The following DCC variants were observed in gnomAD, a reference collection of about 807,000 sequenced individuals.
DCC encodes DCC netrin 1 receptor.
A neutral mutation model predicts 172.5 loss-of-function variants in DCC; 58 were observed. That is an observed-to-expected ratio of 0.34 (90% CI 0.27 to 0.42). DCC has a LOEUF of 0.42. Among genes scored for constraint, DCC ranks in the 10% least tolerant of loss-of-function variants. The pLI is 1.00. For missense variants in DCC, 1,740 were observed against 1,791.0 expected, an observed-to-expected ratio of 0.97 and a Z score of 0.51; for synonymous variants, 709 against 644.5, an observed-to-expected ratio of 1.10 and a Z score of -1.52.
At chr18:52,890,336 A>G (rs114286329) in intron 2 of DCC, among the ~76,000 whole-genome samples, 1 of 152,102 alleles carries the variant, frequency 6.6e-6, no homozygotes, top group Non-Finnish European at 1.5e-5. Context: ...GGTGAGGTAT[A>G]CAGGAAAATA....
rs144877886 is a variant in DCC, at chr18:52,485,347, A to G, written c.91+144469A>G. On this transcript the variant is annotated intron_variant, in intron 1 of 28. Transcript: ENST00000442544. ...AGCAGGCAGATACTTGCAGATTAAT[A>G]ATCACTTTACAGCACTGTTGGAGAT... Among the ~76,000 whole-genome samples the G allele has an allele frequency of 7.2e-3, 1,099 of 152,270 alleles. 7 individuals carry two copies. Among genetic ancestry groups the G allele is most frequent in the Admixed American group, 9.4e-3 (143 of 15,270 alleles).
At chr18:53,112,974 T>C (rs1366311262) in intron 7 of DCC, among the ~76,000 whole-genome samples, 1 of 151,526 alleles carries the variant, frequency 6.6e-6, no homozygotes, top group Non-Finnish European at 1.5e-5. Context: ...AACATCATCC[T>C]CTTTCCTTTG....
chr18:53,485,606 A>G (rs1028520493), intron 25 of DCC, among the ~76,000 whole-genome samples: 2 of 152,118 alleles, frequency 1.3e-5, no homozygotes, highest in Non-Finnish European at 2.9e-5. Context: ...TTAAGTAAAC[A>G]TGTTCAAATG....
chr18:52,449,041 G>C (rs922650886), intron 1 of DCC, among the ~76,000 whole-genome samples: 9 of 152,210 alleles, frequency 5.9e-5, no homozygotes, highest in African/African-American at 2.2e-4. Flanking sequence ...CACCTGGCTG[G>C]GGAAGCCTCA....
At chr18:52,656,107 T>A (rs1170167481) in intron 1 of DCC, among the ~76,000 whole-genome samples, 2 of 147,054 alleles carry the variant, frequency 1.4e-5, no homozygotes, top group Non-Finnish European at 3.0e-5. Context: ...TATATATACA[T>A]ATATATAACA....
At chr18:53,188,150 C>T (rs575593612) in intron 9 of DCC, among the ~76,000 whole-genome samples, 1 of 152,166 alleles carries the variant, frequency 6.6e-6, no homozygotes, top group Non-Finnish European at 1.5e-5. Context: ...TCCATCAACA[C>T]TTTAAGATAG....
At chr18:53,149,958 C>A (rs559777305) in intron 7 of DCC, among the ~76,000 whole-genome samples, 4 of 152,244 alleles carry the variant, frequency 2.6e-5, no homozygotes, top group African/African-American at 9.6e-5. Context: ...AAGGTCAGCC[C>A]AAACCAAATT....
chr18:52,722,660 C>T (rs575836379), intron 1 of DCC, among the ~76,000 whole-genome samples: 1 of 152,240 alleles, frequency 6.6e-6, no homozygotes, highest in Non-Finnish European at 1.5e-5. Context: ...TGTTCAGACG[C>T]ATCTGTCCAT....
At chr18:53,158,695 A>T (rs147107623) in intron 8 of DCC, among the ~76,000 whole-genome samples, 9 of 152,156 alleles carry the variant, frequency 5.9e-5, no homozygotes, top group Middle Eastern at 3.4e-3. Flanking sequence ...CTTACTTTAA[A>T]ATGAAAGGAA....
chr18:52,547,385 A>G (rs1381918409), intron 1 of DCC, among the ~76,000 whole-genome samples: 1 of 152,198 alleles, frequency 6.6e-6, no homozygotes, highest in Non-Finnish European at 1.5e-5. Flanking sequence ...CTGGATATGC[A>G]TTAATTTTAG....
At chr18:52,859,426 C>A (rs1364455914) in intron 2 of DCC, among the ~76,000 whole-genome samples, 1 of 152,074 alleles carries the variant, frequency 6.6e-6, no homozygotes, top group African/African-American at 2.4e-5. Context: ...CTTCTATTCC[C>A]CAGTAGGATT....
intron 9 of DCC, among the ~76,000 whole-genome samples, chr18:53,194,790 A>T (rs1598894418): frequency 6.6e-6 from 1 of 152,230 alleles, no homozygotes; most frequent in East Asian, 1.9e-4. Flanking sequence ...TTTTAAGCAT[A>T]ATCTTGGTCA....
chr18:53,092,481 C>T (rs939556445), intron 7 of DCC, among the ~76,000 whole-genome samples: 4 of 152,096 alleles, frequency 2.6e-5, no homozygotes, highest in African/African-American at 9.7e-5. Flanking sequence ...TTTATTAAAG[C>T]ATATAAAATA....
intron 15 of DCC, among the ~76,000 whole-genome samples, chr18:53,371,300 C>A (rs2058058299): frequency 6.6e-6 from 1 of 151,970 alleles, no homozygotes; most frequent in Non-Finnish European, 1.5e-5. Context: ...GCAGAGACAT[C>A]TCTTACCTAA....
chr18:52,966,272 TC>T (rs1244555208), intron 5 of DCC, among the ~76,000 whole-genome samples: 2 of 152,210 alleles, frequency 1.3e-5, no homozygotes, highest in Admixed American at 1.3e-4. Flanking sequence ...TGATTCACTT[TC>T]CAAAAATGAG....
chr18:52,363,338 A>C, intron 1 of DCC, among the ~76,000 whole-genome samples: 1 of 152,202 alleles, frequency 6.6e-6, no homozygotes, highest in East Asian at 1.9e-4. Context: ...ATATTTTGAT[A>C]TGAGAATATG....
intron 1 of DCC, among the ~76,000 whole-genome samples, chr18:52,671,594 C>T (rs1428565772): frequency 6.9e-6 from 1 of 145,262 alleles, no homozygotes; most frequent in African/African-American, 2.6e-5. Flanking sequence ...GGCTGGAGCA[C>T]AGTGGTGTGA....
At chr18:53,306,982 A>G (rs912166848) in intron 13 of DCC, among the ~76,000 whole-genome samples, 5 of 152,182 alleles carry the variant, frequency 3.3e-5, no homozygotes, top group African/African-American at 1.2e-4. Flanking sequence ...TCCCTTATGT[A>G]TTCCTTTTCT....
At chr18:53,197,382 C>T (rs966082643) in intron 9 of DCC, among the ~76,000 whole-genome samples, 3 of 148,918 alleles carry the variant, frequency 2.0e-5, no homozygotes, top group African/African-American at 5.0e-5. Flanking sequence ...GCAATGACAA[C>T]ACGTGACAGT....
Sources: gnomAD v4.1 joint callset for allele counts (sites outside exome capture counted in the v4.1 genomes callset) on GRCh38, gnomAD v4.1.1 for gene constraint, MANE v1.5 for transcripts, NCBI Gene and HGNC (gene_info 2026-07-23, HGNC 2026-07-21) for gene names.